CDH4: variants seen among roughly 807,000 people sequenced by gnomAD.
CDH4 encodes the protein cadherin 4.
CDH4 carries 33 observed loss-of-function variants against 86.0 expected under a neutral mutation model. The ratio of observed to expected loss-of-function variants is 0.38; its 90% CI spans 0.29 to 0.51. CDH4 has a LOEUF of 0.51. CDH4 is among the 20% of genes least tolerant of loss of function. The pLI is 0.86. For synonymous variants in CDH4, 555 were observed against 549.4 expected, an observed-to-expected ratio of 1.01 and a Z score of -0.14; for missense variants, 1,114 against 1,307.4, an observed-to-expected ratio of 0.85 and a Z score of 2.28.
At chr20:61,374,941 A>AT (rs1293800243) in intron 2 of CDH4, among the ~76,000 whole-genome samples, 1 of 152,226 alleles carries the variant, frequency 6.6e-6, no homozygotes, top group Admixed American at 6.5e-5. Flanking sequence ...CTTTCTATTG[A>AT]TAACTCTTCC....
At chr20:61,715,759 G>T (rs959373339) in intron 2 of CDH4, among the ~76,000 whole-genome samples, 1 of 152,170 alleles carries the variant, frequency 6.6e-6, no homozygotes, top group African/African-American at 2.4e-5. Context: ...TCAGAGCAAG[G>T]AGGTCAGCAG....
chr20:61,709,951 C>T lies in CDH4; in HGVS notation c.170-33612C>T, dbSNP rs1568769622. Among the ~76,000 whole-genome samples, 1 of 152,128 alleles carries T rather than the reference C, an allele frequency of 6.6e-6. No individual in the cohort carries two copies. Among genetic ancestry groups the T allele is most frequent in the Non-Finnish European group, 1.5e-5 (1 of 68,034 alleles). On this transcript the variant is annotated intron_variant, in intron 2 of 15. Coordinates refer to ENST00000614565, the MANE Select transcript of CDH4 (RefSeq NM_001794.5). This position sits in a 1 kb window ranked among gnomAD's most constrained non-coding sequence, Gnocchi z 4.8. ...TTTCATTAGCGGGATCGGGCAAGAC[C>T]ATCTGTGTGTTGTAGGGAAAAGTTT...
intron 2 of CDH4, among the ~76,000 whole-genome samples, chr20:61,332,759 T>A (rs527652107): frequency 3.3e-4 from 51 of 152,354 alleles, no homozygotes; most frequent in African/African-American, 1.2e-3. Flanking sequence ...CAGGAAGTTA[T>A]TCGCTTCCTG....
chr20:61,800,575 C>T (rs1049844988), intron 4 of CDH4, among the ~76,000 whole-genome samples: 2 of 152,240 alleles, frequency 1.3e-5, no homozygotes, highest in Non-Finnish European at 1.5e-5. Flanking sequence ...ACAGCCAAGA[C>T]AGGGCAGAGC....
rs181737037 is a variant in CDH4, at chr20:61,859,366, C to T, written c.877+6468C>T. Among the ~76,000 whole-genome samples, 368 of 152,314 alleles carry T rather than the reference C, an allele frequency of 2.4e-3. 2 individuals carry two copies. The highest frequency in any genetic ancestry group is 0.014 in the Middle Eastern group (4 of 294). On this transcript the variant is annotated intron_variant, in intron 6 of 15. Transcript: ENST00000614565. Reference sequence around the variant, plus strand: ...AGTAACTTGTCTTCCATCCTCCCCCCAGGGTCTTTGCGAGCGAAAGTGTTT... The same window carrying T: ...AGTAACTTGTCTTCCATCCTCCCCCTAGGGTCTTTGCGAGCGAAAGTGTTT...
chr20:61,557,383 C>G (rs759248234), intron 2 of CDH4, among the ~76,000 whole-genome samples: 2 of 152,214 alleles, frequency 1.3e-5, no homozygotes, highest in East Asian at 3.9e-4. Flanking sequence ...GTTTGCCGAC[C>G]GTTGGCTGAT....
At chr20:61,331,634 CAGA>C (rs1568801115) in intron 2 of CDH4, among the ~76,000 whole-genome samples, 914 of 67,732 alleles carry the variant, frequency 0.013, 7 homozygotes, top group African/African-American at 0.015. Context: ...CCTCCTGCCC[CAGA>C]CCCACCTCCC....
chr20:61,773,253 A>G (rs2088799448), intron 4 of CDH4, 71 bp downstream of exon 4: 2 of 1,397,134 alleles, frequency 1.4e-6, no homozygotes, highest in African/African-American at 2.9e-5. Flanking sequence ...CGACATCCCA[A>G]AGCCAGGGGC....
chr20:61,777,867 C>T (rs1369101368), intron 4 of CDH4, among the ~76,000 whole-genome samples: 2 of 151,912 alleles, frequency 1.3e-5, no homozygotes, highest in Admixed American at 1.3e-4. Context: ...CATGCGCACG[C>T]ACGTGCATAC....
chr20:61,715,287 G>A (rs567359545), intron 2 of CDH4, among the ~76,000 whole-genome samples: 16 of 152,172 alleles, frequency 1.1e-4, no homozygotes, highest in African/African-American at 3.9e-4. Context: ...TGAGTTCTTT[G>A]TAAATTCTGC....
At chr20:61,619,676 G>A (rs552348260) in intron 2 of CDH4, among the ~76,000 whole-genome samples, 1 of 152,310 alleles carries the variant, frequency 6.6e-6, no homozygotes, top group South Asian at 2.1e-4. Flanking sequence ...ATTCAATTTG[G>A]GGTGGTGACT....
At chr20:61,586,056 GTGA>G (rs2086471424) in intron 2 of CDH4, among the ~76,000 whole-genome samples, 1 of 151,576 alleles carries the variant, frequency 6.6e-6, no homozygotes, top group African/African-American at 2.4e-5. Flanking sequence ...GAGGATGATG[GTGA>G]TGGTGGTGAT....
At chr20:61,661,214 G>C (rs7270897) in intron 2 of CDH4, among the ~76,000 whole-genome samples, 3,036 of 152,204 alleles carry the variant, frequency 0.02, 105 homozygotes, top group African/African-American at 0.069. Flanking sequence ...ACCGTCAGCC[G>C]GTGGTTCCGC....
At chr20:61,927,546 C>T (rs1471325171) in intron 11 of CDH4, among the ~76,000 whole-genome samples, 1 of 152,242 alleles carries the variant, frequency 6.6e-6, no homozygotes, top group Non-Finnish European at 1.5e-5. Context: ...TTCTTCCACG[C>T]GATCATGCGT....
chr20:61,863,194 T>C (rs8121583), intron 6 of CDH4, among the ~76,000 whole-genome samples: 5,856 of 152,316 alleles, frequency 0.038, 409 homozygotes, highest in African/African-American at 0.13. Context: ...CCTGGCAGCC[T>C]CCGCTGTCTC....
At chr20:61,310,091 GC>G (rs1485334728) in intron 2 of CDH4, among the ~76,000 whole-genome samples, 1 of 152,132 alleles carries the variant, frequency 6.6e-6, no homozygotes, top group East Asian at 1.9e-4. Flanking sequence ...TAGGTCACCT[GC>G]CCCCCTCCAA....
chr20:61,786,117 C>T (rs561355389), intron 4 of CDH4, among the ~76,000 whole-genome samples: 2 of 152,290 alleles, frequency 1.3e-5, no homozygotes, highest in South Asian at 4.1e-4. Context: ...GTCTTCGGCT[C>T]AGCCCTCCGG....
intron 2 of CDH4, among the ~76,000 whole-genome samples, chr20:61,523,019 A>G (rs78917318): frequency 0.059 from 9,037 of 152,298 alleles, 415 homozygotes; most frequent in African/African-American, 0.12. Flanking sequence ...ACCGGCCTCC[A>G]GGAGCAGAGG....
At chr20:61,296,468 G>A (rs3893279) in intron 2 of CDH4, among the ~76,000 whole-genome samples, 6 of 151,442 alleles carry the variant, frequency 4.0e-5, no homozygotes, top group Non-Finnish European at 8.8e-5. Context: ...AAAGTTTTTT[G>A]ACCATGATTC....
Sources: gnomAD v4.1 joint callset for allele counts (sites outside exome capture counted in the v4.1 genomes callset) on GRCh38, gnomAD v4.1.1 for gene constraint, Gnocchi (gnomAD v3.1) non-coding constraint, MANE v1.5 for transcripts, NCBI Gene and HGNC (gene_info 2026-07-23, HGNC 2026-07-21) for gene names.